Variants in MED26 observed in about 807,000 individuals in gnomAD.
MED26 encodes mediator of RNA polymerase II transcription subunit 26.
MED26 carries 7 observed loss-of-function variants against 43.7 expected under a neutral mutation model. The observed-to-expected ratio is 0.16, with a 90% confidence interval of 0.09 to 0.30. MED26 has a LOEUF of 0.30. MED26 is among the 10% of genes least tolerant of loss of function. The probability of loss-of-function intolerance (pLI) is 1.00; values close to 1 mark genes in which losing one functional copy is unlikely to be tolerated. For synonymous variants in MED26, 375 were observed against 371.1 expected (o/e 1.01, Z -0.12); for missense variants, 784 against 840.6 (o/e 0.93, Z 0.83).
At chr19:16,593,131 C>T (rs1158163274) in intron 1 of MED26, among the ~76,000 whole-genome samples, 1 of 152,230 alleles carries the variant, frequency 6.6e-6, no homozygotes, top group African/African-American at 2.4e-5. Context: ...AATCCTCCTA[C>T]GGCCCTCAGT....
intron 1 of MED26, among the ~76,000 whole-genome samples, chr19:16,623,245 AAC>A (rs894435743): frequency 1.3e-5 from 2 of 152,160 alleles, no homozygotes; most frequent in Non-Finnish European, 2.9e-5. Flanking sequence ...GAAGTCAGAG[AAC>A]ACCACGCTGC....
chr19:16,583,740 A>C (rs993221804), intron 1 of MED26, among the ~76,000 whole-genome samples: 2 of 152,196 alleles, frequency 1.3e-5, no homozygotes, highest in Non-Finnish European at 2.9e-5. Context: ...TGTCACACCG[A>C]ACACTTTCAG....
chr19:16,579,151 G>GACACCAT (rs2086030347), intron 1 of MED26, among the ~76,000 whole-genome samples: 1 of 152,078 alleles, frequency 6.6e-6, no homozygotes, highest in Non-Finnish European at 1.5e-5. Context: ...TGAATCCAAA[G>GACACCAT]ACACCATAAA....
chr19:16,602,041 G>A (rs977122769), intron 1 of MED26, among the ~76,000 whole-genome samples: 7 of 152,206 alleles, frequency 4.6e-5, no homozygotes, highest in Admixed American at 1.3e-4. Flanking sequence ...CTGCAGGGGT[G>A]TCAGGGGATG....
chr19:16,623,645 C>T (rs1382150739), intron 1 of MED26, among the ~76,000 whole-genome samples: 1 of 152,102 alleles, frequency 6.6e-6, no homozygotes, highest in Non-Finnish European at 1.5e-5. Context: ...TAGGTAAATC[C>T]AGCCCCAATC....
Position 16,577,278 on chromosome 19 carries a change from C to A in MED26, c.552G>T (p.Gly184=). The A allele has an allele frequency of 6.2e-7, 1 of 1,611,992 alleles. No individual in the cohort carries two copies. The highest frequency in any genetic ancestry group is 2.2e-5 in the East Asian group (1 of 44,840). Residue 184 remains glycine, a synonymous_variant, in exon 3 of 3, where the codon GGG becomes GGT. Coordinates refer to ENST00000263390, the MANE Select transcript of MED26 (RefSeq NM_004831.5). This position sits in a 1 kb window ranked among gnomAD's most constrained non-coding sequence, Gnocchi z 8.1. ...VPNSSPLPTN[G]ISGSPESFAS... ...CGAAGCTCTCTGGACTCCCACTGAT[C>A]CCGTTGGTGGGGAGGGGGGATGAGT... is the stretch of plus-strand genomic sequence containing the variant.
chr19:16,606,134 G>A (rs887895887), intron 1 of MED26, among the ~76,000 whole-genome samples: 3 of 152,174 alleles, frequency 2.0e-5, no homozygotes, highest in South Asian at 4.1e-4. Flanking sequence ...CTGGGCCCAC[G>A]GCAGCAGGTG....
chr19:16,597,049 G>T (rs1027763076), intron 1 of MED26, among the ~76,000 whole-genome samples: 1 of 152,212 alleles, frequency 6.6e-6, no homozygotes, highest in Non-Finnish European at 1.5e-5. Context: ...GGGGAACAGT[G>T]CCCCCAGGTT....
intron 1 of MED26, among the ~76,000 whole-genome samples, chr19:16,615,556 G>A (rs2086221847): frequency 6.6e-6 from 1 of 152,118 alleles, no homozygotes; most frequent in Non-Finnish European, 1.5e-5. Context: ...AGACCAGCCT[G>A]GCCAACATGA....
chr19:16,599,892 A>G (rs1568285106), intron 1 of MED26, among the ~76,000 whole-genome samples: 1 of 152,208 alleles, frequency 6.6e-6, no homozygotes, highest in South Asian at 2.1e-4. Flanking sequence ...TGTGCAAAGC[A>G]TCTGCCCTGG....
chr19:16,623,182 G>T (rs2086259151), intron 1 of MED26, among the ~76,000 whole-genome samples: 1 of 152,098 alleles, frequency 6.6e-6, no homozygotes, highest in African/African-American at 2.4e-5. Flanking sequence ...ATGAGTCAAA[G>T]ACAAGGACAT....
intron 1 of MED26, among the ~76,000 whole-genome samples, chr19:16,615,381 G>C (rs763567766): frequency 3.3e-5 from 5 of 152,198 alleles, no homozygotes; most frequent in Non-Finnish European, 4.4e-5. Context: ...TCTCTCAGTT[G>C]CAAGTGAGGG....
At chr19:16,603,173 T>C (rs1012976449) in intron 1 of MED26, among the ~76,000 whole-genome samples, 1 of 152,126 alleles carries the variant, frequency 6.6e-6, no homozygotes, top group Non-Finnish European at 1.5e-5. Context: ...GGGAGTCTCA[T>C]GTGCAAATAA....
intron 1 of MED26, among the ~76,000 whole-genome samples, chr19:16,616,488 G>A (rs2086226730): frequency 6.6e-6 from 1 of 152,180 alleles, no homozygotes; most frequent in South Asian, 2.1e-4. Context: ...GACTGACTAG[G>A]ACACTGCTGC....
At chr19:16,601,141 C>T (rs1002432867) in intron 1 of MED26, among the ~76,000 whole-genome samples, 7 of 151,178 alleles carry the variant, frequency 4.6e-5, no homozygotes, top group Admixed American at 4.6e-4. Context: ...GCCCAGGCAG[C>T]CTGGTTACAA....
Position 16,627,891 on chromosome 19 carries a change from G to A in MED26, c.53C>T (p.Ala18Val). Residue 18 changes from alanine to valine, a missense_variant, in exon 1 of 3, where the codon GCC (alanine) becomes GTC (valine). This residue lies in a region of MED26 where 37 missense variants were observed against 30.3 expected (regional missense o/e 1.22). Transcript: ENST00000263390. ...PQQIRDRLLQAIDPQSNIRNM... is the reference protein window; with the variant it reads ...PQQIRDRLLQVIDPQSNIRNM... ...ACTTACGTTGCTCTGGGGGTCGATG[G>A]CCTGCAGCAGCCGGTCCCTGATCTG... 2 of 1,497,948 alleles carry A rather than the reference G, an allele frequency of 1.3e-6. No homozygotes were observed. The highest frequency in any genetic ancestry group is 1.3e-5 in the South Asian group (1 of 79,190). 92.8% of individuals were successfully genotyped at this position (1,497,948 alleles called of 1,614,324 possible).
At chr19:16,578,049 T>C (rs1002629382) in intron 2 of MED26, 14 of 508,924 alleles carry the variant, frequency 2.8e-5, no homozygotes, top group Middle Eastern at 5.1e-4. Flanking sequence ...AAGTGGAGGG[T>C]TGGGGATGGT....
At chr19:16,591,052 T>A (rs1463231267) in intron 1 of MED26, among the ~76,000 whole-genome samples, 2 of 14,610 alleles carry the variant, frequency 1.4e-4, no homozygotes, top group East Asian at 3.1e-3. Context: ...TAAAATAAAA[T>A]AAATAAATAA....
At chr19:16,614,967 C>A (rs2086216986) in intron 1 of MED26, among the ~76,000 whole-genome samples, 1 of 152,188 alleles carries the variant, frequency 6.6e-6, no homozygotes, top group Non-Finnish European at 1.5e-5. Flanking sequence ...CTTCTGTAAT[C>A]TGAAGTCAGA....
Sources: gnomAD v4.1 joint callset for allele counts (sites outside exome capture counted in the v4.1 genomes callset) on GRCh38, gnomAD v4.1.1 for gene constraint, gnomAD v4.1.1 regional missense constraint, Gnocchi (gnomAD v3.1) non-coding constraint, MANE v1.5 for transcripts, NCBI Gene and HGNC (gene_info 2026-07-23, HGNC 2026-07-21) for gene names.